The following NRCAM variants were observed in gnomAD, a reference collection of about 807,000 sequenced individuals.
NRCAM encodes neuronal cell adhesion molecule, also known as NgCAM-related cell adhesion molecule.
A neutral mutation model predicts 156.5 loss-of-function variants in NRCAM; 83 were observed. That is an observed-to-expected ratio of 0.53 (90% confidence interval 0.44 to 0.64). NRCAM has a LOEUF of 0.64. Ranked by LOEUF, NRCAM falls within the 30% of genes least tolerant of loss-of-function variation. The pLI, the probability that NRCAM is intolerant of heterozygous loss-of-function variation, is 0.00. For missense variants in NRCAM, 1,417 were observed against 1,597.3 expected, an observed-to-expected ratio of 0.89 and a Z score of 1.92; for synonymous variants, 538 against 563.9, an observed-to-expected ratio of 0.95 and a Z score of 0.65.
chr7:108,339,230 G>A (rs2154265941), intron 2 of NRCAM, among the ~76,000 whole-genome samples: 1 of 152,270 alleles, frequency 6.6e-6, no homozygotes, highest in Middle Eastern at 3.4e-3. Context: ...GATGATAGAT[G>A]GTTCCTCCCA....
rs10255624 is a variant in NRCAM, at chr7:108,289,340, A to G, written c.-107+23325T>C. ...TATATATTCATTGTGGAATGGCTAA[A>G]TCAAGCAAATTAACATGTATTATCT... On this transcript the variant is annotated intron_variant, in intron 3 of 32. Transcript: ENST00000379028. Among the ~76,000 whole-genome samples the G allele has an allele frequency of 5.3e-3, 800 of 152,278 alleles. 5 individuals are homozygous for G. Among genetic ancestry groups the G allele is most frequent in the African/African-American group, 0.018 (758 of 41,554 alleles).
Position 108,207,570 on chromosome 7 carries a change from T to C in NRCAM, c.1165A>G (p.Lys389Glu). 1.2e-6 allele frequency: 2 copies of C among 1,614,056 alleles called. No individual in the cohort carries two copies. The highest frequency in any genetic ancestry group is 2.2e-5 in the South Asian group (2 of 91,076). The stretch of plus-strand genomic sequence containing the variant: ...TTTGTTAACCAGCTAATTCTGGGTT[T>C]GGGGTTGCCATTAGCTCTGCAGATC... ...TLICRANGNPKPRISWLTNGV... is the reference protein window; with the variant it reads ...TLICRANGNPEPRISWLTNGV... The change falls in exon 13 of 33, where the codon AAA (lysine) becomes GAA (glutamate). Residue 389 changes from lysine to glutamate, a missense_variant. Around this residue, in one of 2 missense-constraint regions of NRCAM, gnomAD observed 1,238 missense variants for 1,336.4 expected, o/e 0.93. Coordinates refer to ENST00000379028, the MANE Select transcript of NRCAM (RefSeq NM_001037132.4).
At chr7:108,195,959 A>T in intron 14 of NRCAM, 87 bp from the exon 15 acceptor site, 1 of 872,610 alleles carries the variant, frequency 1.1e-6, no homozygotes. Context: ...TAAGGTCATT[A>T]AAGTTTATGG....
intron 3 of NRCAM, among the ~76,000 whole-genome samples, chr7:108,301,242 G>A (rs147530400): frequency 1.3e-5 from 2 of 152,166 alleles, no homozygotes; most frequent in Admixed American, 6.5e-5. Context: ...AAGGACAGAC[G>A]ATTAATGTAA....
intron 28 of NRCAM, among the ~76,000 whole-genome samples, chr7:108,174,299 C>T (rs1221777984): frequency 6.6e-6 from 1 of 152,108 alleles, no homozygotes; most frequent in Non-Finnish European, 1.5e-5. Context: ...TGTAATTTAC[C>T]AAAGCTCTGA....
intron 3 of NRCAM, among the ~76,000 whole-genome samples, chr7:108,263,572 A>C (rs574813956): frequency 6.6e-6 from 1 of 152,374 alleles, no homozygotes; most frequent in South Asian, 2.1e-4. Context: ...GCCATGAGCC[A>C]GGCTGTATAA....
At chr7:108,334,207 T>C (rs764455915) in intron 2 of NRCAM, among the ~76,000 whole-genome samples, 3 of 152,220 alleles carry the variant, frequency 2.0e-5, no homozygotes, top group Non-Finnish European at 2.9e-5. Flanking sequence ...AATGGTTGCA[T>C]TGTTATTTCT....
At chr7:108,219,549 C>T (rs555667924) in intron 11 of NRCAM, among the ~76,000 whole-genome samples, 1 of 152,236 alleles carries the variant, frequency 6.6e-6, no homozygotes, top group Admixed American at 6.5e-5. Flanking sequence ...GTTTAACATA[C>T]ACAAGTCAAT....
At chr7:108,221,870 T>C (rs1003638624) in intron 11 of NRCAM, among the ~76,000 whole-genome samples, 2 of 132,880 alleles carry the variant, frequency 1.5e-5, no homozygotes, top group African/African-American at 5.7e-5. Flanking sequence ...CTATGGAAAA[T>C]AAAAAATAAT....
At chr7:108,254,551 C>CTTTTTTTTTTTTT (rs71137620) in intron 3 of NRCAM, among the ~76,000 whole-genome samples, 6 of 130,328 alleles carry the variant, frequency 4.6e-5, no homozygotes, top group African/African-American at 1.5e-4. Context: ...AACAATTTTG[C>CTTTTTTTTTTTTT]TTTTTTTTTT....
chr7:108,221,617 GTATGTTC>G (rs1170657669), intron 11 of NRCAM, among the ~76,000 whole-genome samples: 3 of 152,158 alleles, frequency 2.0e-5, no homozygotes, highest in Middle Eastern at 3.2e-3. Flanking sequence ...ACCAAACACT[GTATGTTC>G]TCACTGATAT....
chr7:108,323,986 C>T (rs918485481), intron 2 of NRCAM, among the ~76,000 whole-genome samples: 4 of 151,868 alleles, frequency 2.6e-5, no homozygotes, highest in South Asian at 2.1e-4. Flanking sequence ...AACAGCAAGG[C>T]GGCCAGGTGG....
At chr7:108,217,920 G>A (rs2090187600) in intron 11 of NRCAM, among the ~76,000 whole-genome samples, 1 of 152,104 alleles carries the variant, frequency 6.6e-6, no homozygotes, top group South Asian at 2.1e-4. Flanking sequence ...CTTTCCAGGG[G>A]AGTGAATGGT....
chr7:108,175,385 C>T (rs1261862183), intron 27 of NRCAM, 28 bp from the exon 28 acceptor site: 6 of 1,550,918 alleles, frequency 3.9e-6, no homozygotes, highest in Non-Finnish European at 4.4e-6. Flanking sequence ...AGAAATAGGA[C>T]ACTATATAGT....
intron 2 of NRCAM, among the ~76,000 whole-genome samples, chr7:108,397,259 C>G (rs1219999090): frequency 2.0e-5 from 3 of 152,034 alleles, no homozygotes; most frequent in Admixed American, 2.0e-4. Context: ...CTTTAAAGTT[C>G]CTGAAAAGAT....
chr7:108,411,697 T>A (rs968657921), intron 1 of NRCAM, among the ~76,000 whole-genome samples: 1 of 151,844 alleles, frequency 6.6e-6, no homozygotes, highest in Non-Finnish European at 1.5e-5. Context: ...GCCCGGCTAA[T>A]TTTTTTTGTA....
chr7:108,251,719 G>T, intron 3 of NRCAM, among the ~76,000 whole-genome samples: 1 of 152,210 alleles, frequency 6.6e-6, no homozygotes, highest in East Asian at 1.9e-4. Flanking sequence ...GGCCATGCAA[G>T]TCTGCCCAGT....
At chr7:108,437,407 A>C (rs1282455361) in intron 1 of NRCAM, among the ~76,000 whole-genome samples, 1 of 152,226 alleles carries the variant, frequency 6.6e-6, no homozygotes, top group Non-Finnish European at 1.5e-5. Flanking sequence ...ATTTTACTGC[A>C]TATCTTAAAA....
At chr7:108,395,923 G>T (rs139446731) in intron 2 of NRCAM, among the ~76,000 whole-genome samples, 3 of 152,266 alleles carry the variant, frequency 2.0e-5, no homozygotes, top group East Asian at 1.9e-4. Flanking sequence ...ATACCATCTT[G>T]TGTTCACAGT....
Sources: gnomAD v4.1 joint callset for allele counts (sites outside exome capture counted in the v4.1 genomes callset) on GRCh38, gnomAD v4.1.1 for gene constraint, gnomAD v4.1.1 regional missense constraint, MANE v1.5 for transcripts, NCBI Gene and HGNC (gene_info 2026-07-23, HGNC 2026-07-21) for gene names.